MPP3: variants seen among roughly 807,000 people sequenced by gnomAD.
MPP3 encodes MAGUK p55 subfamily member 3.
In MPP3, 48 loss-of-function variants were observed where a neutral mutation model predicts 80.7. The ratio of observed to expected loss-of-function variants is 0.59; its 90% CI spans 0.47 to 0.76. MPP3 has a LOEUF of 0.76. MPP3 is among the 30% of genes least tolerant of loss of function. MPP3 has a pLI of 0.00. For missense variants in MPP3, 620 were observed against 763.0 expected (o/e 0.81, Z 2.21); for synonymous variants, 311 against 297.6 (o/e 1.04, Z -0.46).
intron 17 of MPP3, 37 bp from the exon 18 acceptor site, chr17:43,810,952 C>T (rs1361369493): frequency 1.3e-6 from 2 of 1,520,018 alleles, no homozygotes; most frequent in East Asian, 2.3e-5. Context: ...CCTTTAGTTC[C>T]TCAGCTTTCC....
In MPP3 at chr17:43,818,078, A is replaced by G; in HGVS notation, c.914T>C (p.Leu305Pro). 6.3e-7 allele frequency: 1 copy of G among 1,575,942 alleles called. No homozygotes were observed. Among genetic ancestry groups the G allele is most frequent in the Non-Finnish European group, 8.6e-7 (1 of 1,160,372 alleles). The change falls in exon 12 of 20, where the codon CTG (leucine) becomes CCG (proline). Residue 305 changes from leucine (L) to proline (P), a missense_variant. Leu to Pro is a moderately conservative substitution (Grantham distance 98). Coordinates refer to ENST00000398389, the MANE Select transcript of MPP3 (RefSeq NM_001932.6). ...RLSYRRAAGT[L>P]PSPQSLRKPP... ...CTTCCTGAGGCTCTGGGGGCTCGGCAGGGTGCCCGCGGCTCTCCGGTAGCT... is the reference window on the plus strand; with the variant it reads ...CTTCCTGAGGCTCTGGGGGCTCGGCGGGGTGCCCGCGGCTCTCCGGTAGCT...
chr17:43,803,745 C>T (rs1030387554), intron 19 of MPP3, among the ~76,000 whole-genome samples: 2 of 152,152 alleles, frequency 1.3e-5, no homozygotes, highest in African/African-American at 4.8e-5. Flanking sequence ...AATGGAGTGC[C>T]TGGGCCCCAC....
intron 2 of MPP3, among the ~76,000 whole-genome samples, chr17:43,832,507 G>A (rs2046015475): frequency 6.6e-6 from 1 of 152,210 alleles, no homozygotes; most frequent in Non-Finnish European, 1.5e-5. Flanking sequence ...AGGAGGGGGG[G>A]AAATGGGAGT....
chr17:43,828,713 C>T (rs901173760), intron 7 of MPP3, among the ~76,000 whole-genome samples: 5 of 152,286 alleles, frequency 3.3e-5, no homozygotes, highest in East Asian at 1.9e-4. Context: ...ATTTGAAGTA[C>T]GTAAGATAAT....
chr17:43,818,285 G>A (rs2045253803), intron 11 of MPP3, among the ~76,000 whole-genome samples, 175 bp from the exon 12 acceptor site: 1 of 152,210 alleles, frequency 6.6e-6, no homozygotes, highest in South Asian at 2.1e-4. Flanking sequence ...CACTTTCACA[G>A]GGCTCACTGG....
rs563922919 is a variant in MPP3, at chr17:43,831,946, G to A, written c.-37-3C>T. On this transcript the variant is annotated splice_region_variant and splice_polypyrimidine_tract_variant and intron_variant, in intron 2 of 19. Coordinates refer to ENST00000398389, the MANE Select transcript of MPP3 (RefSeq NM_001932.6). ...CTCCCGACCTCTCCCTGCAGATTCT[G>A]GGAGAAGGGGGTGGAGGTGGGTATT... The A allele has an allele frequency of 2.0e-5, 32 of 1,602,312 alleles. No individual in the cohort carries two copies. Among genetic ancestry groups the A allele is most frequent in the Non-Finnish European group, 2.7e-5 (32 of 1,171,396 alleles).
rs1598345559 is a variant in MPP3, at chr17:43,818,165, G to C, written c.882-55C>G. On this transcript the variant is annotated intron_variant, in intron 11 of 19. Transcript: ENST00000398389. ...CGTGAGCTGGGCCAGATAACCACTT[G>C]AAAGGAACCTTCTGGAAAACTTGGG... The C allele has an allele frequency of 2.1e-6, 3 of 1,403,722 alleles. No homozygotes were observed. The East Asian group carries it at 8.4e-5, about 39-fold the overall frequency. The allele number at this position is 1,403,722 out of a possible 1,614,324, so 87.0% of individuals were successfully genotyped here.
chr17:43,815,223 T>C (rs2045057060), intron 14 of MPP3, among the ~76,000 whole-genome samples: 1 of 152,064 alleles, frequency 6.6e-6, no homozygotes, highest in Non-Finnish European at 1.5e-5. Flanking sequence ...TCCCAGCTAC[T>C]AGGGAGGCTG....
intron 7 of MPP3, among the ~76,000 whole-genome samples, chr17:43,828,460 C>A (rs766355104): frequency 1.3e-5 from 2 of 152,202 alleles, no homozygotes; most frequent in Non-Finnish European, 2.9e-5. Context: ...GCTGGACAGC[C>A]TTGGGTGTGA....
chr17:43,826,520 G>A (rs1002107853), intron 8 of MPP3, among the ~76,000 whole-genome samples: 4 of 152,196 alleles, frequency 2.6e-5, no homozygotes, highest in Admixed American at 1.3e-4. Context: ...TCTCTGCAAC[G>A]ATGACCCCCC....
At chr17:43,829,874 T>C in intron 6 of MPP3, 83 bp from the exon 7 acceptor site, 1 of 1,594,956 alleles carries the variant, frequency 6.3e-7, no homozygotes, top group African/African-American at 1.3e-5. Context: ...GTATGGAGGG[T>C]GGCAGACGCC....
chr17:43,832,951 G>T, intron 1 of MPP3, 132 bp from the exon 2 acceptor site: 2 of 152,524 alleles, frequency 1.3e-5, no homozygotes, highest in South Asian at 3.7e-4. Flanking sequence ...AGAGGGAGGC[G>T]GGGGCCGAGG....
At chr17:43,810,739 G>A (rs750925907) in intron 18 of MPP3, 68 bp downstream of exon 18, 4 of 1,094,580 alleles carry the variant, frequency 3.7e-6, no homozygotes, top group Non-Finnish European at 4.0e-6. Context: ...TAAGTGTTGT[G>A]TAAAATGTAC....
At chr17:43,830,397 G>C (rs1287445504) in intron 5 of MPP3, among the ~76,000 whole-genome samples, 2 of 152,128 alleles carry the variant, frequency 1.3e-5, no homozygotes, top group Non-Finnish European at 2.9e-5. Flanking sequence ...TTGTTACTTT[G>C]CCATTTTACA....
Position 43,820,891 on chromosome 17 carries a change from G to A in MPP3, c.852C>T (p.Gly284=). ...CCTGGAACCCCTTGGAGGGGATGAGGCCGGCTCGAAGGTTGGTGTCCCCGA... is the reference window on the plus strand; with the variant it reads ...CCTGGAACCCCTTGGAGGGGATGAGACCGGCTCGAAGGTTGGTGTCCCCGA... The part of the protein sequence containing the change: ...KRVGDTNLRA[G]LIPSKGFQER... The change falls in exon 11 of 20, where the codon GGC becomes GGT. Residue 284 remains glycine (G), a synonymous_variant. Coordinates refer to ENST00000398389, the MANE Select transcript of MPP3 (RefSeq NM_001932.6). The A allele has an allele frequency of 6.2e-7, 1 of 1,614,166 alleles. No individual in the cohort carries two copies.
intron 19 of MPP3, among the ~76,000 whole-genome samples, chr17:43,802,485 A>T (rs1307904100): frequency 6.6e-6 from 1 of 152,162 alleles, no homozygotes; most frequent in African/African-American, 2.4e-5. Flanking sequence ...GACAATTCTA[A>T]TCAAATTCCC....
intron 1 of MPP3, 92 bp from the exon 2 acceptor site, chr17:43,832,911 C>CGGGGGGCGCGCGGCGG (rs2046041629): frequency 6.6e-6 from 1 of 152,132 alleles, no homozygotes; most frequent in Non-Finnish European, 1.5e-5. Flanking sequence ...CAGCAGGGAG[C>CGGGGGGCGCGCGGCGG]GGGGGGCGCG....
At chr17:43,812,068 C>A (rs573772567) in intron 16 of MPP3, among the ~76,000 whole-genome samples, 1 of 152,354 alleles carries the variant, frequency 6.6e-6, no homozygotes, top group Non-Finnish European at 1.5e-5. Context: ...GGAAGACAGA[C>A]CGTCCCTATA....
intron 9 of MPP3, chr17:43,825,152 G>C (rs1266379731): frequency 6.6e-6 from 1 of 152,416 alleles, no homozygotes; most frequent in African/African-American, 2.4e-5. Context: ...GAAGTTAGCA[G>C]AGTGTCAGGT....
Sources: gnomAD v4.1 joint callset for allele counts (sites outside exome capture counted in the v4.1 genomes callset) on GRCh38, gnomAD v4.1.1 for gene constraint, MANE v1.5 for transcripts, NCBI Gene and HGNC (gene_info 2026-07-23, HGNC 2026-07-21) for gene names.